The following STAG1 variants were observed in gnomAD, a reference collection of about 807,000 sequenced individuals.
STAG1 encodes STAG1 cohesin complex component.
STAG1 carries 26 observed loss-of-function variants against 170.9 expected under a neutral mutation model. That is an observed-to-expected ratio of 0.15 (90% CI 0.11 to 0.21). The LOEUF (loss-of-function observed/expected upper bound fraction) is 0.21, where lower values mean the gene tolerates loss of function less well. Ranked by LOEUF, STAG1 falls within the 10% of genes least tolerant of loss-of-function variation. STAG1 has a pLI of 1.00. For missense variants in STAG1, 964 were observed against 1,509.5 expected (o/e 0.64, Z 5.99); for synonymous variants, 514 against 497.7 (o/e 1.03, Z -0.44).
chr3:136,347,033 G>C (rs377576283), intron 29 of STAG1, among the ~76,000 whole-genome samples: 2 of 150,906 alleles, frequency 1.3e-5, no homozygotes, highest in African/African-American at 4.9e-5. Context: ...GGGAGGTTGA[G>C]GCTGGACAAG....
intron 10 of STAG1, among the ~76,000 whole-genome samples, chr3:136,475,863 C>A (rs923528707): frequency 6.6e-6 from 1 of 152,224 alleles, no homozygotes; most frequent in Admixed American, 6.5e-5. Flanking sequence ...AGTTCAAAGC[C>A]AAGTGTTGCC....
chr3:136,341,609 G>T, intron 30 of STAG1, 58 bp from the exon 31 acceptor site: 1 of 1,179,352 alleles, frequency 8.5e-7, no homozygotes, highest in Non-Finnish European at 1.3e-6. Flanking sequence ...TAGCTAATGA[G>T]CCCCAAGCTA....
intron 4 of STAG1, among the ~76,000 whole-genome samples, chr3:136,601,836 CA>C (rs138817941): frequency 2.7e-4 from 34 of 127,352 alleles, no homozygotes; most frequent in Admixed American, 2.4e-4. Context: ...GCTCATTCTC[CA>C]AAAAAAAAAA....
chr3:136,361,813 T>C (rs1191987462), intron 26 of STAG1, among the ~76,000 whole-genome samples: 1 of 152,158 alleles, frequency 6.6e-6, no homozygotes, highest in African/African-American at 2.4e-5. Flanking sequence ...GGTCTTGCCA[T>C]GTTGCCCAGG....
At chr3:136,628,008 T>C (rs762694276) in intron 2 of STAG1, among the ~76,000 whole-genome samples, 1 of 152,226 alleles carries the variant, frequency 6.6e-6, no homozygotes, top group Non-Finnish European at 1.5e-5. Context: ...ATCATGCTGA[T>C]ACGGTTTGGC....
chr3:136,523,663 C>G (rs1350644105), intron 6 of STAG1, among the ~76,000 whole-genome samples: 1 of 152,166 alleles, frequency 6.6e-6, no homozygotes, highest in Non-Finnish European at 1.5e-5. Context: ...ACGTGAAGTC[C>G]TTGCCCATGC....
chr3:136,546,785 G>C (rs1324922624), intron 5 of STAG1, among the ~76,000 whole-genome samples: 1 of 152,154 alleles, frequency 6.6e-6, no homozygotes, highest in Admixed American at 6.5e-5. Context: ...GTTTATAGAT[G>C]ACATTGTATA....
chr3:136,341,787 G>A (rs1468827574), intron 30 of STAG1, among the ~76,000 whole-genome samples: 2 of 152,212 alleles, frequency 1.3e-5, no homozygotes, highest in Non-Finnish European at 2.9e-5. Context: ...CCAAATCTCT[G>A]CCAAACAAGG....
chr3:136,464,418 C>G (rs548720855), intron 13 of STAG1, among the ~76,000 whole-genome samples: 1 of 145,916 alleles, frequency 6.9e-6, no homozygotes, highest in Non-Finnish European at 1.5e-5. Context: ...AGCGAAACTC[C>G]GTCTCAAAAA....
Position 136,708,495 on chromosome 3 carries a change from G to A in STAG1, c.-84+43700C>T, listed in dbSNP as rs11714098. On this transcript the variant is annotated intron_variant, in intron 1 of 33. Transcript: ENST00000383202. ...AAGGAAATAGGAAGTTATTACTTAC[G>A]GATATGAGATGCTCTTTTGGTATAA... Among the ~76,000 whole-genome samples the A allele has an allele frequency of 9.3e-3, 1,415 of 152,092 alleles. 10 individuals carry two copies. The highest frequency in any genetic ancestry group is 0.016 in the Non-Finnish European group (1,115 of 67,976).
intron 6 of STAG1, among the ~76,000 whole-genome samples, chr3:136,525,978 T>C (rs1442174056): frequency 6.6e-6 from 1 of 152,222 alleles, no homozygotes; most frequent in Admixed American, 6.5e-5. Flanking sequence ...TTATAATTTC[T>C]GTTCTTTTAC....
chr3:136,604,271 G>A (rs757117261), intron 4 of STAG1, 38 bp downstream of exon 4: 6 of 1,574,982 alleles, frequency 3.8e-6, no homozygotes, highest in South Asian at 1.2e-5. Context: ...GTTATTAACT[G>A]TATTGCTTTA....
At chr3:136,595,093 T>TAG (rs1196855350) in intron 4 of STAG1, among the ~76,000 whole-genome samples, 3 of 152,202 alleles carry the variant, frequency 2.0e-5, no homozygotes, top group African/African-American at 7.2e-5. Flanking sequence ...TTATAGTTGA[T>TAG]ATCTAGGTGT....
chr3:136,500,387 T>C (rs1933400228), intron 8 of STAG1, 91 bp from the exon 9 acceptor site: 2 of 872,596 alleles, frequency 2.3e-6, no homozygotes, highest in African/African-American at 3.4e-5. Flanking sequence ...GTTATTTTCA[T>C]TCTGGGTAGT....
rs189184777 is a variant in STAG1 at position 136,576,475 on chromosome 3, T to C, written c.298-7614A>G. ...GCATCTGAATCATAGATTACATTCA[T>C]ATGACAAAAAATGATGACATTTGCT... is the stretch of plus-strand genomic sequence containing the variant. On this transcript the variant is annotated intron_variant, in intron 4 of 33. Transcript: ENST00000383202. Among the ~76,000 whole-genome samples, 199 of 152,258 alleles carry C rather than the reference T, an allele frequency of 1.3e-3. 1 individual carries two copies. The highest frequency in any genetic ancestry group is 4.4e-3 in the African/African-American group (184 of 41,574).
At chr3:136,729,877 C>CCT (rs1933909017) in intron 1 of STAG1, among the ~76,000 whole-genome samples, 3 of 58,548 alleles carry the variant, frequency 5.1e-5, no homozygotes, top group Non-Finnish European at 9.0e-5. Flanking sequence ...CCACGCCAGG[C>CCT]TTTTTTTTTT....
At chr3:136,653,415 CAACTT>C (rs996609419) in intron 1 of STAG1, among the ~76,000 whole-genome samples, 83 of 152,236 alleles carry the variant, frequency 5.5e-4, no homozygotes, top group East Asian at 3.9e-4. Flanking sequence ...TTGGATGGGG[CAACTT>C]AACTTAATTT....
At chr3:136,735,185 T>A (rs1009572328) in intron 1 of STAG1, among the ~76,000 whole-genome samples, 4 of 151,918 alleles carry the variant, frequency 2.6e-5, no homozygotes, top group African/African-American at 7.3e-5. Flanking sequence ...TGGTGTGACC[T>A]CGGCTCACTA....
chr3:136,509,390 GAAAAAAA>G (rs531486231), intron 7 of STAG1, among the ~76,000 whole-genome samples: 6 of 116,968 alleles, frequency 5.1e-5, no homozygotes, highest in East Asian at 2.4e-4. Context: ...GGACCACTTG[GAAAAAAA>G]AAAAAAAAAA....
Sources: allele counts gnomAD v4.1 joint callset (sites outside exome capture counted in the v4.1 genomes callset), GRCh38; gene constraint gnomAD v4.1.1; transcripts MANE v1.5; gene names NCBI Gene and HGNC (gene_info 2026-07-23, HGNC 2026-07-21).